Variants in KIAA0319 observed in about 807,000 individuals in gnomAD.
The protein encoded by KIAA0319 is KIAA0319, also known as dyslexia-associated protein KIAA0319.
Under a neutral mutation model 108.4 loss-of-function variants are expected in KIAA0319, and 83 were observed. That is an observed-to-expected ratio of 0.77 (90% confidence interval 0.64 to 0.92). The LOEUF (loss-of-function observed/expected upper bound fraction) is 0.92, where lower values mean the gene tolerates loss of function less well. Among genes scored for constraint, KIAA0319 ranks in the 40% least tolerant of loss-of-function variants. KIAA0319 has a pLI of 0.00. For synonymous variants in KIAA0319, 484 were observed against 510.4 expected (o/e 0.95, Z 0.70); for missense variants, 1,195 against 1,322.4 (o/e 0.90, Z 1.49).
rs771662373 is a variant in KIAA0319 at position 24,563,441 on chromosome 6, G to A, written c.2509C>T (p.Leu837Phe). The A allele has an allele frequency of 6.2e-7, 1 of 1,613,808 alleles. No individual in the cohort carries two copies. The highest frequency in any genetic ancestry group is 2.2e-5 in the East Asian group (1 of 44,868). The change falls in exon 16 of 21, where the codon CTT becomes TTT. Residue 837 changes from leucine to phenylalanine, a missense_variant. Leu to Phe is a conservative substitution (Grantham distance 22, BLOSUM62 0). Transcript: ENST00000378214. ...GQLTEQRKDT[L>F]VRQLAVLLNV... ...AGCAGCACAGCCAGCTGCCTCACAA[G>A]GGTGTCCTTCCGCTGCTCTGTCAGC...
rs149704828 is a variant in KIAA0319, at chr6:24,588,657, G to A, written c.930C>T (p.Ser310=). The A allele has an allele frequency of 5.0e-5, 81 of 1,613,898 alleles. No homozygotes were observed. The highest frequency in any genetic ancestry group is 6.4e-5 in the Non-Finnish European group (75 of 1,179,972). The part of the protein sequence containing the change: ...TEHSIPTPPT[S]AAPSESTPSE... ...ATGGGGTGGACTCAGAGGGGGCTGCGCTAGTGGGAGGTGTTGGGATGCTGT... is the reference window on the plus strand; with the variant it reads ...ATGGGGTGGACTCAGAGGGGGCTGCACTAGTGGGAGGTGTTGGGATGCTGT... Residue 310 remains serine (S), a synonymous_variant, in exon 4 of 21, where the codon AGC becomes AGT. Coordinates refer to ENST00000378214, the MANE Select transcript of KIAA0319 (RefSeq NM_014809.4).
intron 4 of KIAA0319, among the ~76,000 whole-genome samples, chr6:24,585,615 C>G (rs115238140): frequency 5.9e-5 from 9 of 152,110 alleles, no homozygotes; most frequent in African/African-American, 1.9e-4. Context: ...TCCTCTACCC[C>G]CTCTGGCAAG....
At chr6:24,590,078 A>G (rs1768231289) in intron 3 of KIAA0319, among the ~76,000 whole-genome samples, 1 of 152,254 alleles carries the variant, frequency 6.6e-6, no homozygotes, top group African/African-American at 2.4e-5. Context: ...AAGAAAAGCT[A>G]TAATTCAAAT....
rs1323956375 is a variant in KIAA0319 at position 24,546,844 on chromosome 6, C to G, written c.*321G>C. Reference sequence around the variant, plus strand: ...CTTTTTAAAACCTTGTTTCATTCACCTTCTCTAAGGTTCTACAGATAGAAA... The same window carrying G: ...CTTTTTAAAACCTTGTTTCATTCACGTTCTCTAAGGTTCTACAGATAGAAA... On this transcript the variant is annotated 3_prime_UTR_variant, in exon 21 of 21. Coordinates refer to ENST00000378214, the MANE Select transcript of KIAA0319 (RefSeq NM_014809.4). The G allele has an allele frequency of 9.1e-6, 2 of 218,584 alleles. No homozygotes were observed. The highest frequency in any genetic ancestry group is 2.3e-5 in the African/African-American group (1 of 44,176). 13.5% of individuals were successfully genotyped at this position (218,584 alleles called of 1,614,324 possible).
intron 7 of KIAA0319, 99 bp from the exon 8 acceptor site, chr6:24,580,049 C>T (rs1766242827): frequency 1.1e-6 from 1 of 905,288 alleles, no homozygotes; most frequent in African/African-American, 1.7e-5. Flanking sequence ...TTATACATGT[C>T]CTGTCAAGAA....
At chr6:24,639,433 A>G (rs1776629241) in intron 1 of KIAA0319, among the ~76,000 whole-genome samples, 1 of 152,256 alleles carries the variant, frequency 6.6e-6, no homozygotes, top group Non-Finnish European at 1.5e-5. Context: ...TTAGCACTCA[A>G]GAGTAATAAT....
At position 24,547,020 on chromosome 6, in the gene KIAA0319, G is replaced by T; in HGVS notation, c.*145C>A. 1 of 776,670 alleles carries T rather than the reference G, an allele frequency of 1.3e-6. No homozygotes were observed. Among genetic ancestry groups the T allele is most frequent in the Non-Finnish European group, 2.1e-6 (1 of 484,430 alleles). 48.1% of individuals were successfully genotyped at this position (776,670 alleles called of 1,614,324 possible). A position where few individuals can be genotyped will look rare whatever the true frequency, so the allele number is the denominator to read the frequency against. ...TTTTTGTTTTGTGCCTTCAAAAACCGGTCTTTTAGTACGTGGGGATACACA... is the reference window on the plus strand; with the variant it reads ...TTTTTGTTTTGTGCCTTCAAAAACCTGTCTTTTAGTACGTGGGGATACACA... On this transcript the variant is annotated 3_prime_UTR_variant, in exon 21 of 21. Coordinates refer to ENST00000378214, the MANE Select transcript of KIAA0319 (RefSeq NM_014809.4).
At chr6:24,572,887 A>G in intron 10 of KIAA0319, among the ~76,000 whole-genome samples, 189 bp from the exon 11 acceptor site, 1 of 152,148 alleles carries the variant, frequency 6.6e-6, no homozygotes, top group East Asian at 1.9e-4. Context: ...AGGCCAAGGC[A>G]GGTGGATCAC....
Position 24,580,966 on chromosome 6 carries a change from G to A in KIAA0319, c.1239C>T (p.Asn413=), listed in dbSNP as rs754464326. ...YVFKVTVSSE[N]AFGEGFVNVT... is the part of the protein sequence containing the mutation. ...CATTGACAAATCCTTCTCCAAAGGC[G>A]TTTTCACTAGAAACAGTGACTTTGA... Residue 413 remains asparagine (N), a synonymous_variant, in exon 7 of 21, where the codon AAC becomes AAT. Transcript: ENST00000378214. 6.2e-6 allele frequency: 10 copies of A among 1,613,006 alleles called. No individual in the cohort carries two copies. Among genetic ancestry groups the A allele is most frequent in the South Asian group, 1.1e-5 (1 of 91,046 alleles).
intron 17 of KIAA0319, among the ~76,000 whole-genome samples, chr6:24,558,053 C>T (rs1581911825): frequency 6.6e-6 from 1 of 151,856 alleles, no homozygotes; most frequent in East Asian, 1.9e-4. Context: ...AATTATTTTC[C>T]TCTTTGTGCC....
rs568806718 is a variant in KIAA0319, at chr6:24,583,565, C to T, written c.1093+39G>A. The T allele has an allele frequency of 6.4e-5, 88 of 1,380,190 alleles. 2 individuals carry two copies. The South Asian group carries it at 8.7e-4, about 14-fold the overall frequency. The allele number at this position is 1,380,190 out of a possible 1,614,324, so 85.5% of individuals were successfully genotyped here. On this transcript the variant is annotated intron_variant, in intron 5 of 20. Coordinates refer to ENST00000378214, the MANE Select transcript of KIAA0319 (RefSeq NM_014809.4). ...TAAGGACCTGCTGAAGAAAAACACC[C>T]CAGTTCCTAGTGGTCAGGGAGGAAG...
chr6:24,636,794 AT>A (rs904224474), intron 1 of KIAA0319, among the ~76,000 whole-genome samples: 40 of 151,878 alleles, frequency 2.6e-4, no homozygotes, highest in Middle Eastern at 3.4e-3. Flanking sequence ...TTTTTTAAAA[AT>A]TTTTTTTCTT....
intron 13 of KIAA0319, among the ~76,000 whole-genome samples, chr6:24,567,842 G>A (rs1764114423): frequency 6.6e-6 from 1 of 152,164 alleles, no homozygotes; most frequent in Non-Finnish European, 1.5e-5. Flanking sequence ...TGGAGATGAG[G>A]CTGCTGTGAG....
chr6:24,603,302 A>C (rs1250718383), intron 1 of KIAA0319, among the ~76,000 whole-genome samples: 2 of 152,180 alleles, frequency 1.3e-5, no homozygotes, highest in Non-Finnish European at 2.9e-5. Context: ...GGTTTGCCCA[A>C]AGTAGAAGAA....
intron 1 of KIAA0319, among the ~76,000 whole-genome samples, chr6:24,643,937 G>A (rs1008388752): frequency 5.9e-5 from 9 of 152,226 alleles, no homozygotes; most frequent in Non-Finnish European, 8.8e-5. Context: ...GCAGAGCCAC[G>A]CCCAAACCCA....
chr6:24,555,806 C>A (rs1441811883), intron 18 of KIAA0319, among the ~76,000 whole-genome samples: 1 of 152,178 alleles, frequency 6.6e-6, no homozygotes, highest in Non-Finnish European at 1.5e-5. Context: ...AAATTCTCTT[C>A]TTTACCTGAT....
chr6:24,593,950 C>T (rs1224001352), intron 3 of KIAA0319, among the ~76,000 whole-genome samples: 1 of 150,830 alleles, frequency 6.6e-6, no homozygotes, highest in Non-Finnish European at 1.5e-5. Context: ...CCTGTAATCC[C>T]AGCACTTTGG....
intron 1 of KIAA0319, among the ~76,000 whole-genome samples, chr6:24,630,830 G>A (rs904814682): frequency 6.6e-6 from 1 of 151,960 alleles, no homozygotes; most frequent in African/African-American, 2.4e-5. Context: ...ACATTCCATT[G>A]ATTATTACAA....
chr6:24,540,171 TAAC>T (rs1760152230), downstream of KIAA0319, among the ~76,000 whole-genome samples: 1 of 152,088 alleles, frequency 6.6e-6, no homozygotes, highest in Non-Finnish European at 1.5e-5. Context: ...CACTGTAAAA[TAAC>T]AATGAAAAGT....
Sources: allele counts gnomAD v4.1 joint callset (sites outside exome capture counted in the v4.1 genomes callset), GRCh38; gene constraint gnomAD v4.1.1; transcripts MANE v1.5; gene names NCBI Gene and HGNC (gene_info 2026-07-23, HGNC 2026-07-21).